The following ZBBX variants were observed in gnomAD, a reference collection of about 807,000 sequenced individuals.
The protein encoded by ZBBX is zinc finger B-box domain-containing protein 1.
In ZBBX, 101 loss-of-function variants were observed where a neutral mutation model predicts 108.5. The observed-to-expected ratio is 0.93, with a 90% CI of 0.79 to 1.10. The LOEUF is 1.10. Among genes scored for constraint, ZBBX ranks in the 50% least tolerant of loss-of-function variants. The probability of loss-of-function intolerance (pLI) is 0.00; values close to 1 mark genes in which losing one functional copy is unlikely to be tolerated. For missense variants in ZBBX, 1,009 were observed against 941.4 expected, an observed-to-expected ratio of 1.07 and a Z score of -0.94; for synonymous variants, 356 against 323.4, an observed-to-expected ratio of 1.10 and a Z score of -1.08.
chr3:167,383,497 G>A (rs1747811781), upstream of ZBBX, among the ~76,000 whole-genome samples: 1 of 152,014 alleles, frequency 6.6e-6, no homozygotes, highest in African/African-American at 2.4e-5. Context: ...CTAAACTTGA[G>A]GAAGAATAAA....
intron 11 of ZBBX, 145 bp downstream of exon 11, chr3:167,327,797 C>A (rs1737660636): frequency 1.3e-6 from 1 of 792,918 alleles, no homozygotes; most frequent in Non-Finnish European, 1.9e-6. Context: ...ACTTGTAATC[C>A]CAGCTACTCA....
chr3:167,327,009 T>C (rs907620831), intron 11 of ZBBX, among the ~76,000 whole-genome samples: 8 of 151,836 alleles, frequency 5.3e-5, no homozygotes, highest in Non-Finnish European at 1.0e-4. Flanking sequence ...CACTACAAGA[T>C]TCTGAGTAAT....
intron 19 of ZBBX, among the ~76,000 whole-genome samples, chr3:167,286,142 G>A (rs935592370): frequency 2.0e-5 from 3 of 152,138 alleles, no homozygotes; most frequent in Non-Finnish European, 4.4e-5. Context: ...TATGAAGAGT[G>A]TGAGAATGGA....
At chr3:167,347,502 A>G (rs988501862) in intron 9 of ZBBX, among the ~76,000 whole-genome samples, 1 of 152,040 alleles carries the variant, frequency 6.6e-6, no homozygotes, top group Non-Finnish European at 1.5e-5. Flanking sequence ...ATACTACATG[A>G]AACCACATAC....
At chr3:167,296,869 A>T (rs1043145306) in intron 18 of ZBBX, among the ~76,000 whole-genome samples, 2 of 152,016 alleles carry the variant, frequency 1.3e-5, no homozygotes, top group Admixed American at 6.6e-5. Context: ...GAAATAAAAA[A>T]ACCCATCATA....
At chr3:167,188,848 G>T in the ZBBX span, among the ~76,000 whole-genome samples, 1 of 152,160 alleles carries the variant, frequency 6.6e-6, no homozygotes, top group African/African-American at 2.4e-5. Flanking sequence ...GGTTTCTTCT[G>T]ATCTGGCATA....
At chr3:167,316,486 G>A (rs189672176) in intron 14 of ZBBX, among the ~76,000 whole-genome samples, 1 of 152,034 alleles carries the variant, frequency 6.6e-6, no homozygotes, top group African/African-American at 2.4e-5. Flanking sequence ...GCTCTGACAG[G>A]GTCTGGCTCT....
At chr3:167,395,621 G>A (rs549307031) in intron 1 of ZBBX, among the ~76,000 whole-genome samples, 64 of 152,038 alleles carry the variant, frequency 4.2e-4, no homozygotes, top group African/African-American at 1.5e-3. Flanking sequence ...AAAATACTTT[G>A]CAAACTGTGA....
chr3:167,279,149 G>C (rs960632183), intron 20 of ZBBX, among the ~76,000 whole-genome samples: 17 of 152,068 alleles, frequency 1.1e-4, no homozygotes, highest in South Asian at 4.2e-4. Flanking sequence ...ATATCATACT[G>C]AATGGGCAAA....
chr3:167,407,229 G>A (rs1025933204), intron 1 of ZBBX, among the ~76,000 whole-genome samples: 14 of 152,154 alleles, frequency 9.2e-5, no homozygotes, highest in African/African-American at 3.4e-4. Context: ...AAATAAGGAT[G>A]TGAAAAATTA....
intron 17 of ZBBX, among the ~76,000 whole-genome samples, chr3:167,300,713 G>A (rs1309377043): frequency 2.0e-5 from 3 of 150,166 alleles, no homozygotes; most frequent in East Asian, 2.0e-4. Context: ...GGGTTCAATC[G>A]ATTCTCCTGC....
At chr3:167,284,541 A>T (rs1223524302) in intron 19 of ZBBX, among the ~76,000 whole-genome samples, 2 of 152,212 alleles carry the variant, frequency 1.3e-5, no homozygotes, top group Non-Finnish European at 2.9e-5. Context: ...ACTTCTGCCA[A>T]TTCACAGAAA....
the ZBBX span, among the ~76,000 whole-genome samples, chr3:167,179,366 G>T: frequency 6.6e-6 from 1 of 152,160 alleles, no homozygotes; most frequent in South Asian, 2.1e-4. Context: ...AGAGGCATTA[G>T]CATGGGCTAA....
intron 20 of ZBBX, among the ~76,000 whole-genome samples, chr3:167,258,103 A>G (rs568325335): frequency 1.3e-5 from 2 of 152,216 alleles, no homozygotes; most frequent in African/African-American, 4.8e-5. Context: ...GGTTTTTCCA[A>G]TATCCCCAGT....
chr3:167,311,755 T>C (rs990253695), intron 16 of ZBBX, among the ~76,000 whole-genome samples: 1 of 152,068 alleles, frequency 6.6e-6, no homozygotes, highest in African/African-American at 2.4e-5. Context: ...ATTGCTAGAA[T>C]GGAAAAATTC....
At chr3:167,304,405 T>C (rs2108221041) in intron 17 of ZBBX, among the ~76,000 whole-genome samples, 1 of 152,284 alleles carries the variant, frequency 6.6e-6, no homozygotes, top group South Asian at 2.1e-4. Flanking sequence ...TCTGCTGAAA[T>C]GCATGCTATG....
At chr3:167,375,084 G>A (rs1380650848) in intron 2 of ZBBX, among the ~76,000 whole-genome samples, 3 of 152,112 alleles carry the variant, frequency 2.0e-5, no homozygotes, top group Admixed American at 2.0e-4. Context: ...GATTTAGCAG[G>A]GAAAACGTAA....
the ZBBX span, among the ~76,000 whole-genome samples, chr3:167,227,646 A>C: frequency 6.6e-6 from 1 of 151,760 alleles, no homozygotes; most frequent in Non-Finnish European, 1.5e-5. Context: ...TCCACAGTAC[A>C]AAATTATACA....
At chr3:167,306,675 T>C (rs1733705958) in intron 16 of ZBBX, among the ~76,000 whole-genome samples, 1 of 152,192 alleles carries the variant, frequency 6.6e-6, no homozygotes, top group African/African-American at 2.4e-5. Flanking sequence ...TGCTAAGTTG[T>C]CCAGGTGATT....
Sources: gnomAD v4.1 joint callset for allele counts (sites outside exome capture counted in the v4.1 genomes callset) on GRCh38, gnomAD v4.1.1 for gene constraint, MANE v1.5 for transcripts, NCBI Gene and HGNC (gene_info 2026-07-23, HGNC 2026-07-21) for gene names.